The following ROBO1 variants were observed in gnomAD, a reference collection of about 807,000 sequenced individuals.
ROBO1 encodes roundabout homolog 1.
ROBO1 carries 149 observed loss-of-function variants against 195.9 expected under a neutral mutation model. That is an observed-to-expected ratio of 0.76 (90% CI 0.67 to 0.87). ROBO1 has a LOEUF of 0.87. Ranked by LOEUF, ROBO1 falls within the 40% of genes least tolerant of loss-of-function variation. The pLI is 0.00. For missense variants in ROBO1, 1,933 were observed against 2,068.3 expected (o/e 0.93, Z 1.27); for synonymous variants, 816 against 733.2 (o/e 1.11, Z -1.82).
At chr3:79,715,153 A>G (rs1257548525) in intron 1 of ROBO1, among the ~76,000 whole-genome samples, 1 of 152,102 alleles carries the variant, frequency 6.6e-6, no homozygotes, top group African/African-American at 2.4e-5. Flanking sequence ...GATGCTGTAA[A>G]CACTGTTGAA....
intron 1 of ROBO1, among the ~76,000 whole-genome samples, chr3:79,692,964 A>ATTTTGTGCATATAACAAATGTG (rs1947337569): frequency 6.6e-6 from 1 of 151,826 alleles, no homozygotes; most frequent in Admixed American, 6.6e-5. Flanking sequence ...ATTTTAAATA[A>ATTTTGTGCATATAACAAATGTG]TTTTGTGCAT....
intron 1 of ROBO1, among the ~76,000 whole-genome samples, chr3:79,597,354 G>A (rs190232170): frequency 1.3e-5 from 2 of 152,060 alleles, no homozygotes; most frequent in Admixed American, 1.3e-4. Flanking sequence ...TAGACAAGGT[G>A]AACTGGACAA....
chr3:79,416,619 CGAAA>C (rs1180023560), intron 2 of ROBO1, among the ~76,000 whole-genome samples: 7 of 147,400 alleles, frequency 4.7e-5, no homozygotes, highest in Non-Finnish European at 7.5e-5. Flanking sequence ...AAAAAAAAAC[CGAAA>C]GAAAGAAAGA....
chr3:78,600,044 T>C, intron 30 of ROBO1, 69 bp downstream of exon 30: 1 of 1,229,566 alleles, frequency 8.1e-7, no homozygotes, highest in Non-Finnish European at 1.2e-6. Flanking sequence ...TGTACACTGA[T>C]GAAGGTTCCT....
chr3:79,358,911 G>A (rs1331027788), intron 2 of ROBO1, among the ~76,000 whole-genome samples: 3 of 151,994 alleles, frequency 2.0e-5, no homozygotes, highest in Admixed American at 6.6e-5. Flanking sequence ...TTTTGGCCAC[G>A]TAACTTTAAA....
intron 26 of ROBO1, 22 bp downstream of exon 26, chr3:78,627,299 A>G: frequency 6.2e-7 from 1 of 1,601,922 alleles, no homozygotes; most frequent in Non-Finnish European, 8.5e-7. Flanking sequence ...TTTGTTAGCA[A>G]AGAAGGCTAG....
In ROBO1 at chr3:79,633,804, T is replaced by G. The variant is rs116803129; in HGVS notation, c.-50-43843A>C. On this transcript the variant is annotated intron_variant, in intron 1 of 30. Coordinates refer to ENST00000464233, the MANE Select transcript of ROBO1 (RefSeq NM_002941.4). ...AAATTATTATTAAAAGATCTGTAATTGAAGCTAAAAATCTTTCTTGTTTGG... is the reference window on the plus strand; with the variant it reads ...AAATTATTATTAAAAGATCTGTAATGGAAGCTAAAAATCTTTCTTGTTTGG... Among the ~76,000 whole-genome samples, 1,193 of 152,172 alleles carry G rather than the reference T, an allele frequency of 7.8e-3. 9 individuals carry two copies. The highest frequency in any genetic ancestry group is 0.012 in the Non-Finnish European group (834 of 67,990).
chr3:78,951,572 G>A (rs1375518455), intron 3 of ROBO1, among the ~76,000 whole-genome samples: 1 of 152,078 alleles, frequency 6.6e-6, no homozygotes, highest in Non-Finnish European at 1.5e-5. Flanking sequence ...AAAGGAACTA[G>A]GATGATACTC....
intron 2 of ROBO1, among the ~76,000 whole-genome samples, chr3:79,361,531 T>C (rs2035770214): frequency 6.6e-6 from 1 of 151,410 alleles, no homozygotes; most frequent in Non-Finnish European, 1.5e-5. Context: ...TAAATAACGA[T>C]TTAATACCAG....
chr3:79,493,582 T>C (rs1466728583), intron 2 of ROBO1, among the ~76,000 whole-genome samples: 1 of 152,060 alleles, frequency 6.6e-6, no homozygotes, highest in Non-Finnish European at 1.5e-5. Flanking sequence ...TGTTCATTTT[T>C]ACTGAAAATA....
At chr3:78,795,412 T>G (rs1340053420) in intron 4 of ROBO1, among the ~76,000 whole-genome samples, 3 of 152,162 alleles carry the variant, frequency 2.0e-5, no homozygotes, top group African/African-American at 7.2e-5. Flanking sequence ...GATAAAAAAC[T>G]TTTTAAAACT....
At chr3:79,243,333 C>A (rs1196750826) in intron 2 of ROBO1, among the ~76,000 whole-genome samples, 1 of 152,040 alleles carries the variant, frequency 6.6e-6, no homozygotes, top group Non-Finnish European at 1.5e-5. Context: ...ATTTATAATC[C>A]TTTGGGTATA....
At chr3:78,601,620 T>G (rs1703177204) in intron 29 of ROBO1, among the ~76,000 whole-genome samples, 1 of 152,202 alleles carries the variant, frequency 6.6e-6, no homozygotes, top group African/African-American at 2.4e-5. Context: ...AACTTTCCCC[T>G]TAAGACTGTG....
intron 2 of ROBO1, among the ~76,000 whole-genome samples, chr3:79,149,387 T>C (rs2080718393): frequency 6.6e-6 from 1 of 151,912 alleles, no homozygotes; most frequent in South Asian, 2.1e-4. Flanking sequence ...TTGCATGTTG[T>C]GTGCTTCTTC....
intron 10 of ROBO1, among the ~76,000 whole-genome samples, chr3:78,677,679 C>T (rs1708522235): frequency 6.6e-6 from 1 of 151,888 alleles, no homozygotes. Context: ...TAAAGCAAGT[C>T]CTGAGTGACC....
rs1209181494 is a variant in ROBO1 at position 78,617,696 on chromosome 3, G to A, written c.4221C>T (p.Val1407=). 1.9e-6 allele frequency: 3 copies of A among 1,613,924 alleles called. No individual in the cohort carries two copies. Among genetic ancestry groups the A allele is most frequent in the South Asian group, 1.1e-5 (1 of 91,064 alleles). Residue 1407 remains valine (V), a synonymous_variant, in exon 27 of 31, where the codon GTC becomes GTT. Transcript: ENST00000464233. ...FFTDADFAQA[V]AAAAEYAGLK... Reference sequence around the variant, plus strand: ...GACCAGCATACTCTGCCGCTGCTGCGACTGCCTGGGCAAAGTCAGCATCAG... The same window carrying A: ...GACCAGCATACTCTGCCGCTGCTGCAACTGCCTGGGCAAAGTCAGCATCAG...
intron 2 of ROBO1, among the ~76,000 whole-genome samples, chr3:79,434,166 C>A (rs1234259156): frequency 6.6e-6 from 1 of 152,186 alleles, no homozygotes; most frequent in Non-Finnish European, 1.5e-5. Flanking sequence ...GCAAGGACTT[C>A]ATGTCTAAAA....
intron 4 of ROBO1, among the ~76,000 whole-genome samples, chr3:78,797,845 A>G (rs1198132165): frequency 6.6e-6 from 1 of 152,224 alleles, no homozygotes; most frequent in Non-Finnish European, 1.5e-5. Flanking sequence ...AAATCATGGA[A>G]TATCTGGGAT....
At chr3:79,617,126 T>G (rs902398112) in intron 1 of ROBO1, among the ~76,000 whole-genome samples, 1 of 152,034 alleles carries the variant, frequency 6.6e-6, no homozygotes, top group Non-Finnish European at 1.5e-5. Context: ...AAGGAACTAG[T>G]GTATCCCTCT....
Sources: gnomAD v4.1 joint callset for allele counts (sites outside exome capture counted in the v4.1 genomes callset) on GRCh38, gnomAD v4.1.1 for gene constraint, MANE v1.5 for transcripts, NCBI Gene and HGNC (gene_info 2026-07-23, HGNC 2026-07-21) for gene names.